Variants in SULF2 observed in about 807,000 individuals in gnomAD.
The protein encoded by SULF2 is sulfatase 2.
Under a neutral mutation model 107.7 loss-of-function variants are expected in SULF2, and 52 were observed. That is an observed-to-expected ratio of 0.48 (90% CI 0.39 to 0.61). SULF2 has a LOEUF of 0.61. Among genes scored for constraint, SULF2 ranks in the 20% least tolerant of loss-of-function variants. The probability of loss-of-function intolerance (pLI) is 0.00; values close to 1 mark genes in which losing one functional copy is unlikely to be tolerated. For synonymous variants in SULF2, 460 were observed against 464.3 expected (o/e 0.99, Z 0.12); for missense variants, 993 against 1,177.3 (o/e 0.84, Z 2.29).
chr20:47,762,743 TG>T (rs2090443321), intron 1 of SULF2, among the ~76,000 whole-genome samples: 1 of 152,198 alleles, frequency 6.6e-6, no homozygotes, highest in African/African-American at 2.4e-5. Context: ...AGCCCTGGGC[TG>T]GGTAAAGATG....
At chr20:47,718,601 G>A (rs1235463725) in intron 3 of SULF2, among the ~76,000 whole-genome samples, 1 of 152,208 alleles carries the variant, frequency 6.6e-6, no homozygotes, top group Non-Finnish European at 1.5e-5. Context: ...CAGGCGAAGG[G>A]CTTGGGTGGT....
intron 3 of SULF2, among the ~76,000 whole-genome samples, chr20:47,708,109 G>A (rs1288589690): frequency 6.6e-6 from 1 of 152,196 alleles, no homozygotes; most frequent in African/African-American, 2.4e-5. Flanking sequence ...GGAATCACAG[G>A]AGTGAACAAG....
At chr20:47,660,779 T>C (rs2087039344) in intron 18 of SULF2, among the ~76,000 whole-genome samples, 1 of 151,990 alleles carries the variant, frequency 6.6e-6, no homozygotes, top group African/African-American at 2.4e-5. Flanking sequence ...GTTTAGCTTT[T>C]TTCATCTTAA....
At chr20:47,672,449 T>C in intron 10 of SULF2, 56 bp from the exon 11 acceptor site, 1 of 1,497,434 alleles carries the variant, frequency 6.7e-7, no homozygotes, top group Non-Finnish European at 8.9e-7. Flanking sequence ...TAAACCCGCC[T>C]CTCCCCTGCC....
chr20:47,676,210 G>A (rs1005399061), intron 10 of SULF2, among the ~76,000 whole-genome samples: 1 of 152,232 alleles, frequency 6.6e-6, no homozygotes, highest in African/African-American at 2.4e-5. Context: ...GGGCCTTCGT[G>A]CAAGAGAGAT....
Position 47,763,603 on chromosome 20 carries a change from AG to A in SULF2, c.-100-6141del, listed in dbSNP as rs767974585. On this transcript the variant is annotated intron_variant, in intron 1 of 20. Coordinates refer to ENST00000688720, the MANE Select transcript of SULF2 (RefSeq NM_001387048.1). ...GGAAGAAAGCAAACTGTGGGTGTGCAGATACGTCCCACGGGCTGGGGCCAGA... is the reference window on the plus strand; with the variant it reads ...GGAAGAAAGCAAACTGTGGGTGTGCAATACGTCCCACGGGCTGGGGCCAGA... Among the ~76,000 whole-genome samples, 4 of 152,304 alleles carry A rather than the reference AG, an allele frequency of 2.6e-5. No homozygotes were observed. The South Asian group carries it at 6.2e-4, about 24-fold the overall frequency.
At position 47,678,476 on chromosome 20, in the gene SULF2, C is replaced by T. The variant is rs1443517195; in HGVS notation, c.1193+200G>A. 6.5e-6 allele frequency: 4 copies of T among 619,566 alleles called. No homozygotes were observed. Among genetic ancestry groups the T allele is most frequent in the Non-Finnish European group, 1.1e-5 (4 of 362,034 alleles). 38.4% of individuals were successfully genotyped at this position (619,566 alleles called of 1,614,324 possible). Reference sequence around the variant, plus strand: ...GGTCCCCAACTGGTCACCTTGGCCACATTCCAGATGGGAAGACAGAATCTC... The same window carrying T: ...GGTCCCCAACTGGTCACCTTGGCCATATTCCAGATGGGAAGACAGAATCTC... On this transcript the variant is annotated intron_variant, in intron 8 of 20. Coordinates refer to ENST00000688720, the MANE Select transcript of SULF2 (RefSeq NM_001387048.1). The surrounding 1 kb of genome is among the most constrained non-coding windows in gnomAD (Gnocchi z 4.5).
At chr20:47,691,600 G>A (rs141053563) in intron 4 of SULF2, among the ~76,000 whole-genome samples, 136 of 152,308 alleles carry the variant, frequency 8.9e-4, no homozygotes, top group African/African-American at 2.8e-3. Context: ...CAGAGATAAC[G>A]GGGTCTGAGG....
chr20:47,755,054 T>C (rs1260282835), intron 2 of SULF2, among the ~76,000 whole-genome samples: 2 of 152,142 alleles, frequency 1.3e-5, no homozygotes, highest in East Asian at 1.9e-4. Context: ...CCCAGGCTGG[T>C]CTCGAACTCC....
At chr20:47,677,002 C>T (rs1293957487) in intron 9 of SULF2, 76 bp downstream of exon 9, 20 of 1,499,146 alleles carry the variant, frequency 1.3e-5, no homozygotes, top group African/African-American at 9.8e-5. Flanking sequence ...TAGCATGATG[C>T]GGTGGGGCTA....
intron 9 of SULF2, 53 bp downstream of exon 9, chr20:47,677,025 G>A: frequency 6.3e-7 from 1 of 1,594,690 alleles, no homozygotes; most frequent in Non-Finnish European, 8.6e-7. Context: ...GAAGCTTCCT[G>A]GGCAGAGGGA....
intron 3 of SULF2, among the ~76,000 whole-genome samples, chr20:47,727,058 T>TGGGG (rs11478669): frequency 2.0e-5 from 3 of 147,370 alleles, no homozygotes; most frequent in Non-Finnish European, 4.5e-5. Flanking sequence ...GCAGCCTTTA[T>TGGGG]GGGGGGGGGC....
chr20:47,753,781 G>C (rs1177935457), intron 2 of SULF2, among the ~76,000 whole-genome samples: 29 of 152,218 alleles, frequency 1.9e-4, no homozygotes, highest in Admixed American at 1.9e-3. Flanking sequence ...AGCCCCAGAG[G>C]CTCCCCAGAG....
intron 3 of SULF2, among the ~76,000 whole-genome samples, chr20:47,727,089 A>G (rs1600584941): frequency 6.6e-6 from 1 of 152,234 alleles, no homozygotes; most frequent in South Asian, 2.1e-4. Context: ...GTGTGAAAGA[A>G]ACCAGCCGTC....
intron 3 of SULF2, among the ~76,000 whole-genome samples, chr20:47,727,748 C>T (rs1318794769): frequency 6.6e-6 from 1 of 152,210 alleles, no homozygotes; most frequent in Non-Finnish European, 1.5e-5. Context: ...TTAGATGTCA[C>T]AACACTGCTG....
At chr20:47,754,026 C>G (rs1029204119) in intron 2 of SULF2, among the ~76,000 whole-genome samples, 1 of 152,184 alleles carries the variant, frequency 6.6e-6, no homozygotes, top group Non-Finnish European at 1.5e-5. Context: ...TAGTATGGCC[C>G]TGGAAGCAGT....
chr20:47,743,103 G>A (rs2089927969), intron 2 of SULF2, among the ~76,000 whole-genome samples: 3 of 151,970 alleles, frequency 2.0e-5, no homozygotes, highest in Non-Finnish European at 4.4e-5. Context: ...CCTTCCTATG[G>A]CTAGTTTCTT....
intron 3 of SULF2, among the ~76,000 whole-genome samples, chr20:47,723,556 G>A (rs1038507503): frequency 1.3e-5 from 2 of 152,218 alleles, no homozygotes; most frequent in African/African-American, 2.4e-5. Context: ...AACTTCATCT[G>A]TATTTACAGC....
At chr20:47,781,443 G>T (rs2090832203) in intron 1 of SULF2, among the ~76,000 whole-genome samples, 1 of 152,228 alleles carries the variant, frequency 6.6e-6, no homozygotes, top group Non-Finnish European at 1.5e-5. Flanking sequence ...TAAGCCAATT[G>T]TTGGCAACTC....
Sources: allele counts gnomAD v4.1 joint callset (sites outside exome capture counted in the v4.1 genomes callset), GRCh38; gene constraint gnomAD v4.1.1; non-coding constraint Gnocchi (gnomAD v3.1); transcripts MANE v1.5; gene names NCBI Gene and HGNC (gene_info 2026-07-23, HGNC 2026-07-21).